FIGN: variants seen among roughly 807,000 people sequenced by gnomAD.
FIGN encodes the protein fidgetin.
FIGN carries 11 observed loss-of-function variants against 51.3 expected under a neutral mutation model. The ratio of observed to expected loss-of-function variants is 0.21; its 90% CI spans 0.13 to 0.35. FIGN has a LOEUF of 0.35. Among genes scored for constraint, FIGN ranks in the 10% least tolerant of loss-of-function variants. The pLI is 1.00. For missense variants in FIGN, 857 were observed against 943.6 expected, an observed-to-expected ratio of 0.91 and a Z score of 1.20; for synonymous variants, 407 against 363.2, an observed-to-expected ratio of 1.12 and a Z score of -1.37.
chr2:163,680,609 G>C (rs1259002318), intron 2 of FIGN, among the ~76,000 whole-genome samples: 1 of 152,008 alleles, frequency 6.6e-6, no homozygotes, highest in Non-Finnish European at 1.5e-5. Context: ...TGTTCATGCT[G>C]CTTGCTCATT....
chr2:163,730,499 C>T lies in FIGN; in HGVS notation c.25+4404G>A, dbSNP rs1057180674. Reference sequence around the variant, plus strand: ...TAGGTACAATCTCTCTCTCTTGCTCCGTGTTTGTGTGTGTGTGTGTGTGTG... The same window carrying T: ...TAGGTACAATCTCTCTCTCTTGCTCTGTGTTTGTGTGTGTGTGTGTGTGTG... On this transcript the variant is annotated intron_variant, in intron 2 of 2. Transcript: ENST00000333129. Among the ~76,000 whole-genome samples, 25 of 128,256 alleles carry T rather than the reference C, an allele frequency of 1.9e-4. No individual in the cohort carries two copies. In the South Asian group the frequency reaches 2.8e-3, roughly 14 times the overall value. The allele number at this position is 128,256 out of a possible 152,430, so 84.1% of individuals were successfully genotyped here.
At chr2:163,681,709 T>C (rs191389808) in intron 2 of FIGN, among the ~76,000 whole-genome samples, 1 of 152,126 alleles carries the variant, frequency 6.6e-6, no homozygotes, top group East Asian at 1.9e-4. Context: ...AGTGTGGACA[T>C]TCACTGGGAA....
intron 2 of FIGN, among the ~76,000 whole-genome samples, chr2:163,641,523 G>A (rs1429589313): frequency 6.6e-6 from 1 of 152,186 alleles, no homozygotes; most frequent in Non-Finnish European, 1.5e-5. Flanking sequence ...CCAGGCTTAG[G>A]CCTCCTCTAC....
chr2:163,705,793 T>A (rs1684490665), intron 2 of FIGN, among the ~76,000 whole-genome samples: 1 of 152,120 alleles, frequency 6.6e-6, no homozygotes, highest in Non-Finnish European at 1.5e-5. Flanking sequence ...ATAGGCACAC[T>A]GTATACATGT....
At chr2:163,649,418 T>C (rs1227391083) in intron 2 of FIGN, among the ~76,000 whole-genome samples, 2 of 152,120 alleles carry the variant, frequency 1.3e-5, no homozygotes, top group African/African-American at 4.8e-5. Context: ...TGACTTTTAA[T>C]GTGAAGAAGT....
intron 2 of FIGN, among the ~76,000 whole-genome samples, chr2:163,656,467 C>G (rs1265269682): frequency 6.6e-6 from 1 of 152,104 alleles, no homozygotes; most frequent in Non-Finnish European, 1.5e-5. Flanking sequence ...GGTTCTGGAA[C>G]TAATTCGGCT....
rs988737886 is a variant in FIGN, at chr2:163,609,462, A to G, written c.*90T>C. The G allele has an allele frequency of 5.7e-5, 64 of 1,125,872 alleles. No homozygotes were observed. The South Asian group carries it at 8.4e-4, about 15-fold the overall frequency. 69.7% of individuals were successfully genotyped at this position (1,125,872 alleles called of 1,614,324 possible). On this transcript the variant is annotated 3_prime_UTR_variant, in exon 3 of 3. Coordinates refer to ENST00000333129, the MANE Select transcript of FIGN (RefSeq NM_018086.4). Reference sequence around the variant, plus strand: ...TTCCCCAGTACCCTTTGCAATTTAAACTCTACTGGAAAGGGGCTCTATTCC... The same window carrying G: ...TTCCCCAGTACCCTTTGCAATTTAAGCTCTACTGGAAAGGGGCTCTATTCC...
intron 2 of FIGN, among the ~76,000 whole-genome samples, chr2:163,623,692 A>G (rs1260951915): frequency 6.6e-6 from 1 of 152,148 alleles, no homozygotes; most frequent in Non-Finnish European, 1.5e-5. Flanking sequence ...TACTAAGAGT[A>G]CTGTAATTTT....
chr2:163,727,637 C>T (rs1462370096), intron 2 of FIGN, among the ~76,000 whole-genome samples: 1 of 152,150 alleles, frequency 6.6e-6, no homozygotes, highest in African/African-American at 2.4e-5. Context: ...AAGCCCCCCA[C>T]TTTCACCCCA....
intron 2 of FIGN, among the ~76,000 whole-genome samples, chr2:163,676,736 C>A (rs1683976840): frequency 6.6e-6 from 1 of 151,778 alleles, no homozygotes; most frequent in South Asian, 2.1e-4. Flanking sequence ...ACACAGATAG[C>A]CAAAGTCATC....
chr2:163,704,625 T>TTCTCTCTCTCTCTCTCTCTCTCTC (rs751888499), intron 2 of FIGN, among the ~76,000 whole-genome samples: 6 of 36,390 alleles, frequency 1.6e-4, no homozygotes, highest in African/African-American at 4.4e-4. Flanking sequence ...GTCTCTCTCT[T>TTCTCTCTCTCTCTCTCTCTCTCTC]TCTCTCTCTC....
chr2:163,681,765 C>A (rs1205791739), intron 2 of FIGN, among the ~76,000 whole-genome samples: 1 of 152,190 alleles, frequency 6.6e-6, no homozygotes, highest in Non-Finnish European at 1.5e-5. Context: ...CATTTGAATA[C>A]TTTTCCAGGG....
At chr2:163,675,788 G>C (rs1033280380) in intron 2 of FIGN, among the ~76,000 whole-genome samples, 8 of 144,866 alleles carry the variant, frequency 5.5e-5, no homozygotes, top group African/African-American at 2.0e-4. Flanking sequence ...TTTTATGTGG[G>C]AGGACAGAAG....
intron 2 of FIGN, among the ~76,000 whole-genome samples, chr2:163,727,135 A>C (rs1490940409): frequency 6.6e-6 from 1 of 152,134 alleles, no homozygotes; most frequent in Admixed American, 6.5e-5. Context: ...GATGAAAAAT[A>C]AAAAAGCTCT....
intron 2 of FIGN, among the ~76,000 whole-genome samples, chr2:163,713,913 T>G (rs184576060): frequency 6.6e-6 from 1 of 152,330 alleles, no homozygotes; most frequent in East Asian, 1.9e-4. Flanking sequence ...GATTAGATTG[T>G]GCCATGCAAG....
intron 2 of FIGN, among the ~76,000 whole-genome samples, chr2:163,688,795 A>C (rs1010651594): frequency 2.6e-5 from 4 of 152,182 alleles, no homozygotes; most frequent in Non-Finnish European, 5.9e-5. Flanking sequence ...AGTAAATATC[A>C]GATAGTTTTT....
intron 2 of FIGN, among the ~76,000 whole-genome samples, chr2:163,640,586 C>T (rs1438280383): frequency 1.3e-5 from 2 of 152,034 alleles, no homozygotes; most frequent in Non-Finnish European, 2.9e-5. Flanking sequence ...ATTCATTTGT[C>T]TAGAAGCAGA....
chr2:163,727,955 C>A (rs1285001363), intron 2 of FIGN, among the ~76,000 whole-genome samples: 1 of 152,166 alleles, frequency 6.6e-6, no homozygotes, highest in African/African-American at 2.4e-5. Flanking sequence ...AGTCATATGA[C>A]TCTAATTTTC....
At position 163,672,150 on chromosome 2, in the gene FIGN, T is replaced by C. The variant is rs538453685; in HGVS notation, c.26-60344A>G. ...ATTGTGTTAGTTCCCAGGTCAGAGC[T>C]ATCTGCCTCTCCTCTGTCCATTTTT... is the stretch of plus-strand genomic sequence containing the variant. On this transcript the variant is annotated intron_variant, in intron 2 of 2. Coordinates refer to ENST00000333129, the MANE Select transcript of FIGN (RefSeq NM_018086.4). 5.9e-5 allele frequency among the ~76,000 whole-genome samples: 9 copies of C among 152,176 alleles called. No homozygotes were observed. In the South Asian group the frequency reaches 1.7e-3, roughly 28 times the overall value.
Sources: allele counts gnomAD v4.1 joint callset (sites outside exome capture counted in the v4.1 genomes callset), GRCh38; gene constraint gnomAD v4.1.1; transcripts MANE v1.5; gene names NCBI Gene and HGNC (gene_info 2026-07-23, HGNC 2026-07-21).